PCDH15: variants seen among roughly 807,000 people sequenced by gnomAD.
PCDH15 encodes protocadherin related 15, also known as protocadherin-15.
In PCDH15, 129 loss-of-function variants were observed where a neutral mutation model predicts 178.5. The ratio of observed to expected loss-of-function variants is 0.72; its 90% CI spans 0.63 to 0.84. The LOEUF is 0.84. Among genes scored for constraint, PCDH15 ranks in the 40% least tolerant of loss-of-function variants. The pLI is 0.00. For missense variants in PCDH15, 2,230 were observed against 2,099.9 expected (o/e 1.06, Z -1.21); for synonymous variants, 800 against 732.0 (o/e 1.09, Z -1.50).
intron 2 of PCDH15, among the ~76,000 whole-genome samples, chr10:55,125,314 A>C (rs182173475): frequency 6.6e-6 from 1 of 152,090 alleles, no homozygotes; most frequent in Non-Finnish European, 1.5e-5. Flanking sequence ...AGAATCACAA[A>C]ACAGATAGGA....
chr10:54,636,046 A>G (rs79754445), intron 2 of PCDH15, among the ~76,000 whole-genome samples: 3,683 of 151,996 alleles, frequency 0.024, 155 homozygotes, highest in African/African-American at 0.084. Context: ...TCAAAAAAGT[A>G]AGTAACGTTA....
At chr10:54,996,912 C>T (rs1383142675) in intron 2 of PCDH15, among the ~76,000 whole-genome samples, 1 of 151,946 alleles carries the variant, frequency 6.6e-6, no homozygotes, top group East Asian at 1.9e-4. Flanking sequence ...AGTTCGAGAC[C>T]AGCCTGGCCA....
At chr10:55,366,669 T>TA (rs1845368607) in intron 2 of PCDH15, among the ~76,000 whole-genome samples, 1 of 152,166 alleles carries the variant, frequency 6.6e-6, no homozygotes, top group South Asian at 2.1e-4. Flanking sequence ...TGTAGAATGT[T>TA]CACTAAGTTC....
intron 3 of PCDH15, among the ~76,000 whole-genome samples, chr10:54,421,671 CATAT>C (rs369324916): frequency 0.43 from 47,242 of 109,520 alleles, 11,175 homozygotes; most frequent in Middle Eastern, 0.56. Context: ...TGTATATATA[CATAT>C]ATATATATAT....
intron 28 of PCDH15, among the ~76,000 whole-genome samples, chr10:53,846,097 T>C (rs1030236157): frequency 6.6e-6 from 1 of 151,506 alleles, no homozygotes; most frequent in African/African-American, 2.4e-5. Context: ...TCCCTGAATC[T>C]GACTTCTTGG....
At chr10:55,316,210 T>C (rs1037525104) in intron 1 of PCDH15, among the ~76,000 whole-genome samples, 2 of 152,148 alleles carry the variant, frequency 1.3e-5, no homozygotes, top group African/African-American at 2.4e-5. Flanking sequence ...AATAATATTG[T>C]CACTGGTCAT....
chr10:55,084,370 A>T (rs1842111799), intron 2 of PCDH15, among the ~76,000 whole-genome samples: 1 of 151,712 alleles, frequency 6.6e-6, no homozygotes, highest in Admixed American at 6.6e-5. Flanking sequence ...GATTATTCAT[A>T]TACAGAAGAA....
At chr10:55,516,000 T>C (rs1006183985) in intron 2 of PCDH15, among the ~76,000 whole-genome samples, 1 of 152,190 alleles carries the variant, frequency 6.6e-6, no homozygotes, top group African/African-American at 2.4e-5. Context: ...CTGGAAAGTA[T>C]GCTTTTTAAT....
intron 2 of PCDH15, among the ~76,000 whole-genome samples, chr10:54,977,532 T>C (rs895075392): frequency 6.6e-6 from 1 of 152,078 alleles, no homozygotes; most frequent in Admixed American, 6.6e-5. Flanking sequence ...ACCCCAAACC[T>C]CAGCTCCAGG....
At chr10:54,766,649 G>T (rs1241901594) in intron 1 of PCDH15, among the ~76,000 whole-genome samples, 1 of 152,074 alleles carries the variant, frequency 6.6e-6, no homozygotes, top group Non-Finnish European at 1.5e-5. Context: ...AGTTTGTAGG[G>T]CCAGGCGTGG....
chr10:54,868,554 C>A (rs1019638503), intron 3 of PCDH15, among the ~76,000 whole-genome samples: 1 of 152,138 alleles, frequency 6.6e-6, no homozygotes, highest in African/African-American at 2.4e-5. Context: ...ACATCTTTGA[C>A]CACCTTTAAT....
intron 1 of PCDH15, 109 bp downstream of exon 1, chr10:54,800,816 T>G (rs886382073): frequency 4.6e-5 from 7 of 152,148 alleles, no homozygotes; most frequent in Admixed American, 4.6e-4. Flanking sequence ...TGACAGAAAG[T>G]AGCATCATGA....
intron 9 of PCDH15, among the ~76,000 whole-genome samples, chr10:54,223,034 G>A (rs986706692): frequency 5.3e-5 from 8 of 151,844 alleles, no homozygotes; most frequent in Admixed American, 2.6e-4. Flanking sequence ...GTTGCCAGCC[G>A]GGCACAGTGG....
intron 1 of PCDH15, among the ~76,000 whole-genome samples, chr10:54,668,885 T>C (rs1248645763): frequency 6.6e-6 from 1 of 152,182 alleles, no homozygotes; most frequent in Non-Finnish European, 1.5e-5. Context: ...ATGTATGCAG[T>C]CTGCCCTTCA....
chr10:54,401,161 C>T (rs1044117202), intron 3 of PCDH15, among the ~76,000 whole-genome samples: 1 of 151,938 alleles, frequency 6.6e-6, no homozygotes, highest in Non-Finnish European at 1.5e-5. Flanking sequence ...CCTTTCACCT[C>T]TACACTATGC....
chr10:54,149,081 C>A (rs1029717119), intron 14 of PCDH15, among the ~76,000 whole-genome samples: 1 of 152,010 alleles, frequency 6.6e-6, no homozygotes, highest in African/African-American at 2.4e-5. Context: ...TATTTCAGAC[C>A]TTTGAGGCTG....
At chr10:54,131,523 T>A (rs2042437356) in intron 15 of PCDH15, among the ~76,000 whole-genome samples, 1 of 143,360 alleles carries the variant, frequency 7.0e-6, no homozygotes, top group Non-Finnish European at 1.6e-5. Flanking sequence ...CCCTTTCTTT[T>A]AATTATTTCA....
chr10:55,057,233 A>G (rs2131994783), intron 2 of PCDH15, among the ~76,000 whole-genome samples: 1 of 152,174 alleles, frequency 6.6e-6, no homozygotes, highest in South Asian at 2.1e-4. Context: ...TAATCTTTTC[A>G]GCTACTTCTT....
intron 3 of PCDH15, among the ~76,000 whole-genome samples, chr10:54,864,380 T>G (rs1953899582): frequency 6.6e-6 from 1 of 152,150 alleles, no homozygotes; most frequent in South Asian, 2.1e-4. Context: ...AAAAGTCATA[T>G]ATAAGATTGT....
Sources: gnomAD v4.1 joint callset for allele counts (sites outside exome capture counted in the v4.1 genomes callset) on GRCh38, gnomAD v4.1.1 for gene constraint, MANE v1.5 for transcripts, NCBI Gene and HGNC (gene_info 2026-07-23, HGNC 2026-07-21) for gene names.